The following UTRN variants were observed in gnomAD, a reference collection of about 807,000 sequenced individuals.
UTRN encodes the protein dystrophin-related protein 1.
UTRN carries 283 observed loss-of-function variants against 463.9 expected under a neutral mutation model. The ratio of observed to expected loss-of-function variants is 0.61; its 90% CI spans 0.55 to 0.67. UTRN has a LOEUF of 0.67. Ranked by LOEUF, UTRN falls within the 30% of genes least tolerant of loss-of-function variation. The probability of loss-of-function intolerance (pLI) is 0.00; values close to 1 mark genes in which losing one functional copy is unlikely to be tolerated. For missense variants in UTRN, 3,922 were observed against 4,084.3 expected (o/e 0.96, Z 1.08); for synonymous variants, 1,442 against 1,431.5 (o/e 1.01, Z -0.17).
intron 51 of UTRN, among the ~76,000 whole-genome samples, chr6:144,582,468 G>GTA (rs1374203635): frequency 2.0e-5 from 3 of 151,936 alleles, no homozygotes; most frequent in East Asian, 1.9e-4. Flanking sequence ...TCAAGTGTGT[G>GTA]TATATATATA....
chr6:144,612,000 C>G (rs1238161384), intron 51 of UTRN, among the ~76,000 whole-genome samples: 1 of 152,104 alleles, frequency 6.6e-6, no homozygotes, highest in Non-Finnish European at 1.5e-5. Flanking sequence ...CAGCATAGTA[C>G]TGTCATAAAA....
At chr6:144,603,260 C>A (rs889875745) in intron 51 of UTRN, among the ~76,000 whole-genome samples, 2 of 152,030 alleles carry the variant, frequency 1.3e-5, no homozygotes, top group African/African-American at 4.8e-5. Context: ...TTATGCATAT[C>A]TTTTACTGTA....
intron 58 of UTRN, among the ~76,000 whole-genome samples, chr6:144,761,335 G>C (rs1792646817): frequency 6.6e-6 from 1 of 152,048 alleles, no homozygotes; most frequent in South Asian, 2.1e-4. Context: ...AGTGCAATGA[G>C]AGCTCATTGT....
At chr6:144,695,646 A>T (rs1323424668) in intron 52 of UTRN, among the ~76,000 whole-genome samples, 2 of 152,200 alleles carry the variant, frequency 1.3e-5, no homozygotes, top group Admixed American at 1.3e-4. Context: ...CTCAGCCTAA[A>T]CTTTTTATAT....
chr6:144,827,216 G>A, intron 66 of UTRN, 132 bp from the exon 67 acceptor site: 1 of 1,012,318 alleles, frequency 9.9e-7, no homozygotes, highest in Admixed American at 2.0e-5. Flanking sequence ...ATTTCCCCAT[G>A]GTGGCTCTCA....
At chr6:144,324,723 C>G (rs2114591689) in intron 2 of UTRN, among the ~76,000 whole-genome samples, 1 of 152,304 alleles carries the variant, frequency 6.6e-6, no homozygotes, top group Non-Finnish European at 1.5e-5. Context: ...TCATTGCTTG[C>G]TGTCATGTTG....
chr6:144,770,467 T>C (rs1793887690), intron 58 of UTRN, among the ~76,000 whole-genome samples: 1 of 152,212 alleles, frequency 6.6e-6, no homozygotes, highest in African/African-American at 2.4e-5. Context: ...GTTCATTTAG[T>C]TTACTAAATA....
At chr6:144,826,897 A>G (rs1368180455) in intron 66 of UTRN, among the ~76,000 whole-genome samples, 1 of 152,088 alleles carries the variant, frequency 6.6e-6, no homozygotes. Flanking sequence ...GTCTAATTTT[A>G]TTGCACCTCT....
intron 2 of UTRN, among the ~76,000 whole-genome samples, chr6:144,371,077 T>C (rs1779941462): frequency 6.6e-6 from 1 of 152,146 alleles, no homozygotes; most frequent in African/African-American, 2.4e-5. Context: ...CTCCCACTTA[T>C]TCTACACCTC....
At chr6:144,819,874 G>GCCT (rs1562948828) in intron 65 of UTRN, among the ~76,000 whole-genome samples, 1 of 117,724 alleles carries the variant, frequency 8.5e-6, no homozygotes, top group Non-Finnish European at 1.6e-5. Context: ...CTCCTCCTCC[G>GCCT]CCGCCTCCTC....
At chr6:144,753,727 C>G (rs571088681) in intron 56 of UTRN, among the ~76,000 whole-genome samples, 1 of 150,394 alleles carries the variant, frequency 6.6e-6, no homozygotes, top group African/African-American at 2.4e-5. Flanking sequence ...ATTAACCCGG[C>G]ATGATTGCAC....
intron 51 of UTRN, among the ~76,000 whole-genome samples, chr6:144,645,506 G>A (rs1778200879): frequency 1.3e-5 from 2 of 152,158 alleles, no homozygotes; most frequent in South Asian, 2.1e-4. Flanking sequence ...AATGGAAATA[G>A]GATTCACGTC....
Position 144,462,690 on chromosome 6 carries a change from T to C in UTRN, c.2890T>C (p.Leu964=), listed in dbSNP as rs116255746. ...DEILENQKPA[L]HKLAEETKAL... ...AATCCTTGAGAATCAGAAACCTGCA[T>C]TACATAAACTTGCAGAAGAAACAAA... The change falls in exon 23 of 75, where the codon TTA becomes CTA. Residue 964 remains leucine, a synonymous_variant. Transcript: ENST00000367545. The C allele has an allele frequency of 6.9e-5, 110 of 1,603,842 alleles. 1 individual carries two copies. The East Asian group carries it at 2.4e-3, about 35-fold the overall frequency.
rs553839157 is a variant in UTRN, at chr6:144,736,328, C to T, written c.7939+5842C>T. On this transcript the variant is annotated intron_variant, in intron 54 of 74. Coordinates refer to ENST00000367545, the MANE Select transcript of UTRN (RefSeq NM_007124.3). The stretch of plus-strand genomic sequence containing the variant: ...ATTTTTTTCGGTTCTATTTAATAAG[C>T]ATTTTGTGAGTATGTGATGTGTACC... Among the ~76,000 whole-genome samples, 88 of 152,194 alleles carry T rather than the reference C, an allele frequency of 5.8e-4. No homozygotes were observed. The South Asian group carries it at 0.017, about 29-fold the overall frequency.
chr6:144,635,448 G>A (rs542081831), intron 51 of UTRN, among the ~76,000 whole-genome samples: 1 of 149,808 alleles, frequency 6.7e-6, no homozygotes, highest in African/African-American at 2.5e-5. Context: ...ACCATGCCCA[G>A]CCTGCAATGT....
intron 51 of UTRN, among the ~76,000 whole-genome samples, chr6:144,611,031 C>T (rs1805461071): frequency 6.6e-6 from 1 of 152,114 alleles, no homozygotes; most frequent in Non-Finnish European, 1.5e-5. Flanking sequence ...GGATTTATCC[C>T]CAGGATGGAA....
intron 53 of UTRN, among the ~76,000 whole-genome samples, chr6:144,719,583 CAGAA>C (rs1786884242): frequency 6.6e-6 from 1 of 151,942 alleles, no homozygotes; most frequent in Admixed American, 6.6e-5. Flanking sequence ...ATCTCAAAAA[CAGAA>C]AGAAAGAAAG....
At chr6:144,301,468 G>T (rs1279600993) in intron 2 of UTRN, among the ~76,000 whole-genome samples, 1 of 151,644 alleles carries the variant, frequency 6.6e-6, no homozygotes, top group African/African-American at 2.4e-5. Flanking sequence ...CAGAGAGGGG[G>T]TCTCTCTGCA....
Position 144,753,464 on chromosome 6 carries a change from A to T in UTRN, c.8356-1256A>T, listed in dbSNP as rs565533078. ...AGCCTGTCTCTACAAAATAAAAATT[A>T]AAAAATTACATATGTGGTGTGGTGT... is the stretch of plus-strand genomic sequence containing the variant. On this transcript the variant is annotated intron_variant, in intron 56 of 74. Transcript: ENST00000367545. Among the ~76,000 whole-genome samples the T allele has an allele frequency of 8.6e-4, 131 of 152,122 alleles. 1 individual carries two copies. The South Asian group carries it at 0.025, about 29-fold the overall frequency.
Sources: gnomAD v4.1 joint callset for allele counts (sites outside exome capture counted in the v4.1 genomes callset) on GRCh38, gnomAD v4.1.1 for gene constraint, MANE v1.5 for transcripts, NCBI Gene and HGNC (gene_info 2026-07-23, HGNC 2026-07-21) for gene names.